Variants in PCDHA2 observed in about 807,000 individuals in gnomAD.
PCDHA2 encodes the protein protocadherin alpha-2.
In PCDHA2, 58 loss-of-function variants were observed where a neutral mutation model predicts 66.0. The observed-to-expected ratio is 0.88, with a 90% CI of 0.71 to 1.09. The LOEUF is 1.09. Among genes scored for constraint, PCDHA2 ranks in the 50% least tolerant of loss-of-function variants. The pLI, the probability that PCDHA2 is intolerant of heterozygous loss-of-function variation, is 0.00. For synonymous variants in PCDHA2, 634 were observed against 554.0 expected (o/e 1.14, Z -2.03); for missense variants, 1,267 against 1,242.3 (o/e 1.02, Z -0.30).
chr5:140,928,698 G>A, intron 1 of PCDHA2: 1 of 1,614,148 alleles, frequency 6.2e-7, no homozygotes, highest in East Asian at 2.2e-5. Context: ...ACATCTCCCG[G>A]GCGTCTGACT....
intron 1 of PCDHA2, among the ~76,000 whole-genome samples, chr5:140,936,995 A>G (rs2091251299): frequency 6.6e-6 from 1 of 151,864 alleles, no homozygotes; most frequent in Non-Finnish European, 1.5e-5. Flanking sequence ...CATTGACAAT[A>G]TTGAGACAGA....
At chr5:140,896,022 GC>G (rs2065315462) in intron 1 of PCDHA2, among the ~76,000 whole-genome samples, 3 of 152,138 alleles carry the variant, frequency 2.0e-5, no homozygotes, top group Admixed American at 1.3e-4. Context: ...TGTTGGCCAG[GC>G]TGGTCTCGAA....
intron 1 of PCDHA2, among the ~76,000 whole-genome samples, chr5:140,955,134 C>T (rs868995724): frequency 3.3e-5 from 5 of 152,022 alleles, no homozygotes; most frequent in African/African-American, 1.2e-4. Context: ...CTGGTCTACA[C>T]GTCTGTTTTT....
At chr5:140,912,237 A>T (rs2075827332) in intron 1 of PCDHA2, among the ~76,000 whole-genome samples, 2 of 152,122 alleles carry the variant, frequency 1.3e-5, no homozygotes, top group South Asian at 4.2e-4. Flanking sequence ...CACTGACTCA[A>T]ATGTTAATCT....
chr5:140,836,448 C>T, intron 1 of PCDHA2: 1 of 1,613,824 alleles, frequency 6.2e-7, no homozygotes, highest in Non-Finnish European at 8.5e-7. Context: ...CATTGCAGGC[C>T]CAGAGACCGA....
intron 1 of PCDHA2, among the ~76,000 whole-genome samples, chr5:140,838,112 GT>G (rs1775545429): frequency 6.7e-6 from 1 of 149,312 alleles, no homozygotes; most frequent in Non-Finnish European, 1.5e-5. Context: ...GTGTGTGTGT[GT>G]GTGTGTGTGT....
In PCDHA2 at chr5:140,853,829, C is replaced by T. The variant is rs782020407; in HGVS notation, c.2388+56477C>T. 4.9e-5 allele frequency: 48 copies of T among 986,432 alleles called. 3 individuals carry two copies. Among genetic ancestry groups the T allele is most frequent in the Non-Finnish European group, 5.4e-5 (44 of 818,590 alleles). The allele number at this position is 986,432 out of a possible 1,614,324, so 61.1% of individuals were successfully genotyped here. A position where few individuals can be genotyped will look rare whatever the true frequency, so the allele number is the denominator to read the frequency against. ...ACACCTGAGATGATTCTCATACAACCGAAATTTTAGATCCATAGCCCTATT... is the reference window on the plus strand; with the variant it reads ...ACACCTGAGATGATTCTCATACAACTGAAATTTTAGATCCATAGCCCTATT... On this transcript the variant is annotated intron_variant, in intron 1 of 3. Coordinates refer to ENST00000526136, the MANE Select transcript of PCDHA2 (RefSeq NM_018905.3).
chr5:140,927,157 G>A (rs868936673), intron 1 of PCDHA2: 2 of 1,614,144 alleles, frequency 1.2e-6, no homozygotes, highest in South Asian at 2.2e-5. Flanking sequence ...GCTGTGCAGG[G>A]CCAAAGCTGC....
intron 3 of PCDHA2, among the ~76,000 whole-genome samples, chr5:140,987,107 G>A (rs936936352): frequency 6.6e-6 from 1 of 151,876 alleles, no homozygotes; most frequent in Non-Finnish European, 1.5e-5. Flanking sequence ...CCAGCTACTC[G>A]GGAGGCTGAG....
chr5:140,838,018 T>TACAG (rs1484069937), intron 1 of PCDHA2, among the ~76,000 whole-genome samples: 1 of 151,286 alleles, frequency 6.6e-6, no homozygotes, highest in East Asian at 1.9e-4. Flanking sequence ...AAGAAGTGAT[T>TACAG]ACAGTAGAAA....
intron 1 of PCDHA2, chr5:140,850,132 G>T (rs2150469208): frequency 6.3e-7 from 1 of 1,595,756 alleles, no homozygotes; most frequent in Non-Finnish European, 8.6e-7. Flanking sequence ...CCGCCTCTGG[G>T]CAGCAACGTG....
At chr5:140,849,934 G>C (rs2150458402) in intron 1 of PCDHA2, 4 of 1,598,054 alleles carry the variant, frequency 2.5e-6, no homozygotes, top group Non-Finnish European at 3.4e-6. Flanking sequence ...GTGTCTGCGC[G>C]GGACGCTGAC....
intron 1 of PCDHA2, among the ~76,000 whole-genome samples, chr5:140,892,438 ATT>A (rs2063515415): frequency 6.6e-6 from 1 of 152,198 alleles, no homozygotes; most frequent in African/African-American, 2.4e-5. Context: ...ATTATCTAAA[ATT>A]TACATGTATT....
intron 1 of PCDHA2, chr5:140,850,534 C>A: frequency 6.3e-7 from 1 of 1,598,276 alleles, no homozygotes; most frequent in Non-Finnish European, 8.6e-7. Flanking sequence ...AAGTCATCGT[C>A]GCGGGCGTCA....
chr5:140,799,018 C>A (rs1762386789), intron 1 of PCDHA2, among the ~76,000 whole-genome samples: 1 of 152,156 alleles, frequency 6.6e-6, no homozygotes, highest in South Asian at 2.1e-4. Context: ...ATGTTTCTAC[C>A]ATAGGTAAAT....
At chr5:140,821,664 A>T in intron 1 of PCDHA2, 1 of 1,232,770 alleles carries the variant, frequency 8.1e-7, no homozygotes, top group Non-Finnish European at 1.1e-6. Flanking sequence ...GGCTGTGCCA[A>T]GAAGCTCAGA....
intron 1 of PCDHA2, chr5:140,968,252 C>T: frequency 1.2e-6 from 2 of 1,613,948 alleles, no homozygotes; most frequent in Non-Finnish European, 1.7e-6. Context: ...AGCCACAGAC[C>T]CAGATGAAAA....
At chr5:140,820,923 T>A (rs1330158665) in intron 1 of PCDHA2, among the ~76,000 whole-genome samples, 1 of 152,092 alleles carries the variant, frequency 6.6e-6, no homozygotes, top group Non-Finnish European at 1.5e-5. Context: ...TGCTTTTGAT[T>A]TCTAGAAAGC....
chr5:140,823,464 G>C, intron 1 of PCDHA2: 1 of 1,613,420 alleles, frequency 6.2e-7, no homozygotes, highest in Non-Finnish European at 8.5e-7. Context: ...ACGCGCCGGC[G>C]CTGCTGGTGC....
Sources: allele counts gnomAD v4.1 joint callset (sites outside exome capture counted in the v4.1 genomes callset), GRCh38; gene constraint gnomAD v4.1.1; transcripts MANE v1.5; gene names NCBI Gene and HGNC (gene_info 2026-07-23, HGNC 2026-07-21).